The following TOX2 variants were observed in gnomAD, a reference collection of about 807,000 sequenced individuals.
TOX2 encodes the protein TOX high mobility group box family member 2, also known as granulosa cell HMG box 1.
A neutral mutation model predicts 47.4 loss-of-function variants in TOX2; 15 were observed. That is an observed-to-expected ratio of 0.32 (90% CI 0.21 to 0.49). TOX2 has a LOEUF of 0.49. Ranked by LOEUF, TOX2 falls within the 20% of genes least tolerant of loss-of-function variation. The probability of loss-of-function intolerance (pLI) is 0.99; values close to 1 mark genes in which losing one functional copy is unlikely to be tolerated. For missense variants in TOX2, 622 were observed against 673.1 expected (o/e 0.92, Z 0.84); for synonymous variants, 290 against 296.6 (o/e 0.98, Z 0.23).
chr20:44,009,509 C>T (rs1042557840), intron 3 of TOX2, among the ~76,000 whole-genome samples: 4 of 152,268 alleles, frequency 2.6e-5, no homozygotes, highest in East Asian at 1.9e-4. Context: ...TCAAACCTAG[C>T]GATTCAGACT....
At chr20:43,954,113 T>C (rs2069626971) in intron 1 of TOX2, among the ~76,000 whole-genome samples, 1 of 152,190 alleles carries the variant, frequency 6.6e-6, no homozygotes, top group Non-Finnish European at 1.5e-5. Context: ...TGCCTTATGG[T>C]GGCCCTAGGA....
chr20:43,981,661 G>A (rs2070170975), intron 2 of TOX2, among the ~76,000 whole-genome samples: 1 of 152,192 alleles, frequency 6.6e-6, no homozygotes, highest in African/African-American at 2.4e-5. Context: ...TAAGAAGAAG[G>A]AGAGAGTCAG....
intron 3 of TOX2, among the ~76,000 whole-genome samples, chr20:44,031,170 G>C (rs1251514517): frequency 2.0e-5 from 3 of 152,122 alleles, no homozygotes. Context: ...AAGGGCAGGT[G>C]GGGGAAGGTG....
chr20:44,068,571 G>T (rs377248000), intron 8 of TOX2, 79 bp from the exon 9 acceptor site: 107 of 1,505,752 alleles, frequency 7.1e-5, no homozygotes, highest in Non-Finnish European at 9.4e-5. Context: ...GGGGTGGGGC[G>T]TACAGTGCAG....
intron 1 of TOX2, among the ~76,000 whole-genome samples, chr20:43,922,766 C>A (rs2069124790): frequency 6.6e-6 from 1 of 152,098 alleles, no homozygotes; most frequent in Admixed American, 6.5e-5. Flanking sequence ...GGATGAGCAA[C>A]CTGATTGTGG....
At chr20:43,974,310 G>A (rs1404544323) in intron 2 of TOX2, among the ~76,000 whole-genome samples, 1 of 152,004 alleles carries the variant, frequency 6.6e-6, no homozygotes, top group African/African-American at 2.4e-5. Context: ...GCCCCAGGGA[G>A]GGTCCTCACT....
intron 3 of TOX2, among the ~76,000 whole-genome samples, chr20:44,049,896 G>A (rs951925246): frequency 2.0e-5 from 3 of 152,124 alleles, no homozygotes; most frequent in Admixed American, 2.0e-4. Flanking sequence ...TCTTTGATGG[G>A]TATCTGGGCT....
At chr20:43,984,159 G>A (rs1283411020) in intron 2 of TOX2, among the ~76,000 whole-genome samples, 2 of 152,144 alleles carry the variant, frequency 1.3e-5, no homozygotes, top group South Asian at 4.1e-4. Context: ...AAGAGAAAAG[G>A]CCTTTTGCAA....
intron 1 of TOX2, among the ~76,000 whole-genome samples, chr20:43,933,905 G>A (rs2145327671): frequency 6.6e-6 from 1 of 152,282 alleles, no homozygotes; most frequent in Admixed American, 6.5e-5. Context: ...CCTGAGGATG[G>A]CCTTGAGGAG....
chr20:44,044,332 G>A (rs2071380860), intron 3 of TOX2, among the ~76,000 whole-genome samples: 1 of 151,734 alleles, frequency 6.6e-6, no homozygotes, highest in African/African-American at 2.4e-5. Context: ...TGTAAATGAT[G>A]AGTTAATGGG....
At chr20:43,959,352 G>A (rs949010876) in intron 1 of TOX2, among the ~76,000 whole-genome samples, 20 of 152,188 alleles carry the variant, frequency 1.3e-4, no homozygotes, top group East Asian at 9.6e-4. Context: ...TTGAGACAGC[G>A]CTTAAAAATA....
At chr20:44,061,607 T>G (rs1301069571) in intron 5 of TOX2, among the ~76,000 whole-genome samples, 1 of 151,818 alleles carries the variant, frequency 6.6e-6, no homozygotes, top group Non-Finnish European at 1.5e-5. Flanking sequence ...AGTACTGGAA[T>G]TCCTAGCCAG....
chr20:44,045,682 G>T (rs1398113529), intron 3 of TOX2, among the ~76,000 whole-genome samples: 1 of 152,196 alleles, frequency 6.6e-6, no homozygotes, highest in African/African-American at 2.4e-5. Context: ...TTATGAAAAG[G>T]TGGTCACCCT....
chr20:44,028,891 C>G (rs1445527777), intron 3 of TOX2, among the ~76,000 whole-genome samples: 1 of 152,216 alleles, frequency 6.6e-6, no homozygotes, highest in Non-Finnish European at 1.5e-5. Flanking sequence ...TCTCTCCTGT[C>G]CATGACATCT....
intron 2 of TOX2, among the ~76,000 whole-genome samples, chr20:43,976,809 C>G (rs2070088345): frequency 6.6e-6 from 1 of 151,442 alleles, no homozygotes; most frequent in South Asian, 2.1e-4. Flanking sequence ...CACACATACA[C>G]ACATACACGT....
chr20:43,927,953 G>A (rs1168308161), intron 1 of TOX2, among the ~76,000 whole-genome samples: 1 of 152,122 alleles, frequency 6.6e-6, no homozygotes, highest in African/African-American at 2.4e-5. Context: ...TTTCAAATGT[G>A]TGTGGTAAGC....
intron 1 of TOX2, among the ~76,000 whole-genome samples, chr20:43,969,320 A>G (rs1211849120): frequency 6.6e-6 from 1 of 152,220 alleles, no homozygotes; most frequent in Non-Finnish European, 1.5e-5. Flanking sequence ...GGTGTACATC[A>G]TATACCTTTG....
chr20:44,051,194 C>A, intron 3 of TOX2, 112 bp from the exon 4 acceptor site: 1 of 1,452,376 alleles, frequency 6.9e-7, no homozygotes, highest in Non-Finnish European at 9.3e-7. Context: ...GGAGCAGGAG[C>A]CGCACCCATC....
At chr20:44,055,022 G>GA (rs1239931247) in intron 5 of TOX2, among the ~76,000 whole-genome samples, 1 of 152,196 alleles carries the variant, frequency 6.6e-6, no homozygotes, top group Non-Finnish European at 1.5e-5. Context: ...TAAAACAGGG[G>GA]TGCTGGCTAC....
Sources: gnomAD v4.1 joint callset for allele counts (sites outside exome capture counted in the v4.1 genomes callset) on GRCh38, gnomAD v4.1.1 for gene constraint, MANE v1.5 for transcripts, NCBI Gene and HGNC (gene_info 2026-07-23, HGNC 2026-07-21) for gene names.